UBE3C: variants seen among roughly 807,000 people sequenced by gnomAD.
UBE3C encodes the protein ubiquitin protein ligase E3C, also known as ubiquitin-protein ligase E3C.
A neutral mutation model predicts 129.4 loss-of-function variants in UBE3C; 42 were observed. The ratio of observed to expected loss-of-function variants is 0.32; its 90% CI spans 0.25 to 0.42. The LOEUF is 0.42. UBE3C is among the 10% of genes least tolerant of loss of function. UBE3C has a pLI of 1.00. For missense variants in UBE3C, 1,049 were observed against 1,319.1 expected, an observed-to-expected ratio of 0.80 and a Z score of 3.17; for synonymous variants, 510 against 492.4, an observed-to-expected ratio of 1.04 and a Z score of -0.47.
chr7:157,175,153 TTTTTTG>T (rs1808484452), intron 5 of UBE3C, 119 bp downstream of exon 5: 1 of 657,528 alleles, frequency 1.5e-6, no homozygotes. Flanking sequence ...TTTTTTTTTT[TTTTTTG>T]AGGTCATGGA....
chr7:157,236,697 C>T (rs1486328363), intron 18 of UBE3C, among the ~76,000 whole-genome samples: 4 of 151,926 alleles, frequency 2.6e-5, no homozygotes, highest in African/African-American at 9.7e-5. Context: ...CAGAGCTTCT[C>T]TTGTATAATA....
intron 17 of UBE3C, among the ~76,000 whole-genome samples, chr7:157,227,522 C>T (rs138733906): frequency 8.6e-5 from 13 of 151,416 alleles, no homozygotes; most frequent in African/African-American, 3.2e-4. Context: ...CATGGTGCAA[C>T]CCTGTCTCTA....
intron 16 of UBE3C, 71 bp downstream of exon 16, chr7:157,223,422 G>T: frequency 7.3e-7 from 1 of 1,361,466 alleles, no homozygotes. Context: ...ACACCCACCA[G>T]AGAAATCTCT....
chr7:157,206,351 T>G (rs1809433265), intron 11 of UBE3C, among the ~76,000 whole-genome samples: 1 of 151,142 alleles, frequency 6.6e-6, no homozygotes, highest in African/African-American at 2.4e-5. Flanking sequence ...CAACCTCCGC[T>G]GCTCGGGTTC....
At chr7:157,225,327 A>G in intron 16 of UBE3C, 80 bp from the exon 17 acceptor site, 2 of 1,481,152 alleles carry the variant, frequency 1.4e-6, no homozygotes, top group South Asian at 2.7e-5. Flanking sequence ...TACAAAAGAT[A>G]AGATTTAGCA....
At chr7:157,164,101 G>A (rs527967298) in intron 2 of UBE3C, among the ~76,000 whole-genome samples, 67 of 152,108 alleles carry the variant, frequency 4.4e-4, no homozygotes, top group African/African-American at 1.6e-3. Context: ...CTTACATAAT[G>A]ATATGGTTTC....
intron 17 of UBE3C, among the ~76,000 whole-genome samples, chr7:157,230,289 G>A (rs927150725): frequency 2.6e-5 from 4 of 151,914 alleles, no homozygotes; most frequent in East Asian, 1.9e-4. Context: ...AAAAGATCAC[G>A]TAGATCAGGG....
intron 3 of UBE3C, 149 bp from the exon 4 acceptor site, chr7:157,170,155 T>C: frequency 1.7e-6 from 1 of 578,170 alleles, no homozygotes; most frequent in Non-Finnish European, 2.6e-6. Flanking sequence ...ATTTTTTTTC[T>C]ACAATTCAAC....
intron 6 of UBE3C, 117 bp downstream of exon 6, chr7:157,178,964 C>T: frequency 7.7e-7 from 1 of 1,290,694 alleles, no homozygotes; most frequent in Non-Finnish European, 1.1e-6. Flanking sequence ...GTACTGGTGT[C>T]CCAGACGCCT....
intron 16 of UBE3C, 32 bp from the exon 17 acceptor site, chr7:157,225,375 C>T (rs1403779434): frequency 6.3e-7 from 1 of 1,576,294 alleles, no homozygotes; most frequent in Non-Finnish European, 8.5e-7. Context: ...TCTTTTGTTT[C>T]TAATAACCTT....
intron 18 of UBE3C, among the ~76,000 whole-genome samples, chr7:157,232,809 T>G (rs1043483136): frequency 6.6e-6 from 1 of 152,246 alleles, no homozygotes; most frequent in Admixed American, 6.5e-5. Flanking sequence ...GAGTCGCCTG[T>G]TTTGAGAAGC....
intron 5 of UBE3C, among the ~76,000 whole-genome samples, chr7:157,176,296 T>C (rs575980012): frequency 3.2e-4 from 48 of 152,256 alleles, no homozygotes; most frequent in African/African-American, 1.1e-3. Context: ...ATTTTTGAGA[T>C]AAGAGTCTTG....
At chr7:157,234,408 G>A (rs1487712687) in intron 18 of UBE3C, among the ~76,000 whole-genome samples, 4 of 152,272 alleles carry the variant, frequency 2.6e-5, no homozygotes, top group Middle Eastern at 3.4e-3. Flanking sequence ...TTAGTTGACC[G>A]TACACGTAAC....
chr7:157,189,718 A>G (rs1047596936), intron 10 of UBE3C, among the ~76,000 whole-genome samples: 8 of 151,628 alleles, frequency 5.3e-5, no homozygotes, highest in African/African-American at 1.9e-4. Context: ...TTTTTCCTTT[A>G]CTTGGGCTTC....
chr7:157,255,416 G>A (rs1013516686), intron 21 of UBE3C, among the ~76,000 whole-genome samples: 3 of 152,202 alleles, frequency 2.0e-5, no homozygotes, highest in Non-Finnish European at 4.4e-5. Context: ...TATAACCTGT[G>A]TGTATCCATG....
chr7:157,183,123 AC>A, intron 8 of UBE3C, among the ~76,000 whole-genome samples: 1 of 152,188 alleles, frequency 6.6e-6, no homozygotes, highest in Non-Finnish European at 1.5e-5. Context: ...TTTCCCACAC[AC>A]CAAGCAATTC....
chr7:157,204,976 CAG>C (rs758900785), intron 11 of UBE3C, among the ~76,000 whole-genome samples: 2 of 152,232 alleles, frequency 1.3e-5, no homozygotes, highest in Non-Finnish European at 2.9e-5. Context: ...AAGATCTAGA[CAG>C]AGGTTAGGGA....
chr7:157,164,230 G>T (rs939961432), intron 2 of UBE3C, among the ~76,000 whole-genome samples: 1 of 151,912 alleles, frequency 6.6e-6, no homozygotes, highest in Non-Finnish European at 1.5e-5. Context: ...CAAGATCATA[G>T]CTCACTGTAG....
At chr7:157,261,186 G>A (rs939306700) in intron 22 of UBE3C, among the ~76,000 whole-genome samples, 5 of 151,636 alleles carry the variant, frequency 3.3e-5, no homozygotes, top group African/African-American at 1.2e-4. Flanking sequence ...CATGCCTGTA[G>A]TCCCAGCTAC....
Sources: gnomAD v4.1 joint callset for allele counts (sites outside exome capture counted in the v4.1 genomes callset) on GRCh38, gnomAD v4.1.1 for gene constraint, MANE v1.5 for transcripts, NCBI Gene and HGNC (gene_info 2026-07-23, HGNC 2026-07-21) for gene names.